Variants in DRD2 observed in about 807,000 individuals in gnomAD.
DRD2 encodes the protein dopamine receptor D2.
A neutral mutation model predicts 38.0 loss-of-function variants in DRD2; 8 were observed. The observed-to-expected ratio is 0.21, with a 90% CI of 0.12 to 0.38. The LOEUF is 0.38. Ranked by LOEUF, DRD2 falls within the 10% of genes least tolerant of loss-of-function variation. DRD2 has a pLI of 1.00. For missense variants in DRD2, 403 were observed against 607.7 expected (o/e 0.66, Z 3.54); for synonymous variants, 230 against 238.6 (o/e 0.96, Z 0.33).
At chr11:113,427,959 G>A (rs950295928) in intron 1 of DRD2, among the ~76,000 whole-genome samples, 8 of 152,152 alleles carry the variant, frequency 5.3e-5, no homozygotes, top group African/African-American at 7.2e-5. Context: ...TCAGGGATGC[G>A]CGCACAGAGG....
At chr11:113,445,000 A>G (rs1387593111) in intron 1 of DRD2, among the ~76,000 whole-genome samples, 1 of 152,250 alleles carries the variant, frequency 6.6e-6, no homozygotes, top group Non-Finnish European at 1.5e-5. Context: ...CTGGGAGTCT[A>G]GCAAAAATAA....
intron 1 of DRD2, among the ~76,000 whole-genome samples, chr11:113,431,444 G>A (rs965943253): frequency 5.3e-5 from 8 of 152,218 alleles, no homozygotes; most frequent in Non-Finnish European, 4.4e-5. Flanking sequence ...AGAAAGAGAA[G>A]ACTGCATTTG....
At chr11:113,412,503 G>A in intron 7 of DRD2, 53 bp downstream of exon 7, 1 of 1,597,780 alleles carries the variant, frequency 6.3e-7, no homozygotes, top group Admixed American at 1.7e-5. Flanking sequence ...GACATGGCAG[G>A]GAATGGGACC....
intron 2 of DRD2, among the ~76,000 whole-genome samples, chr11:113,419,858 A>G (rs1950869025): frequency 1.3e-5 from 2 of 152,188 alleles, no homozygotes; most frequent in Admixed American, 1.3e-4. Flanking sequence ...TGTGGCAGAA[A>G]CAGCAGCTTG....
intron 1 of DRD2, among the ~76,000 whole-genome samples, chr11:113,439,896 G>A (rs1951073662): frequency 1.0e-5 from 1 of 100,376 alleles, no homozygotes; most frequent in African/African-American, 3.8e-5. Flanking sequence ...GACCAGGAAA[G>A]TGAAATGACT....
In DRD2 at chr11:113,424,569, T is replaced by C. The variant is rs200802757; in HGVS notation, c.83A>G (p.Lys28Arg). 6 of 1,614,108 alleles carry C rather than the reference T, an allele frequency of 3.7e-6. No individual in the cohort carries two copies. Among genetic ancestry groups the C allele is most frequent in the Non-Finnish European group, 4.2e-6 (5 of 1,180,046 alleles). Residue 28 changes from lysine to arginine, a missense_variant, in exon 2 of 8, where the codon AAG becomes AGG. Lys to Arg is a conservative substitution (Grantham distance 26). Around this residue, in one of 4 missense-constraint regions of DRD2, gnomAD observed 162 missense variants for 254.5 expected, o/e 0.64. Coordinates refer to ENST00000362072, the MANE Select transcript of DRD2 (RefSeq NM_000795.4). Reference protein sequence around the residue: ...WSRPFNGSDGKADRPHYNYYA... With the variant: ...WSRPFNGSDGRADRPHYNYYA... ...GTAGTTGTAGTGGGGTCTGTCCGCC[T>C]TCCCGTCTGACCCGTTGAAGGGCCG...
intron 1 of DRD2, among the ~76,000 whole-genome samples, chr11:113,438,126 G>A (rs1206492166): frequency 1.3e-5 from 2 of 152,152 alleles, no homozygotes; most frequent in African/African-American, 4.8e-5. Flanking sequence ...TGATGCCCAG[G>A]ATACAGAGGA....
intron 1 of DRD2, among the ~76,000 whole-genome samples, chr11:113,451,939 T>C (rs1951213506): frequency 6.6e-6 from 1 of 152,216 alleles, no homozygotes; most frequent in Non-Finnish European, 1.5e-5. Flanking sequence ...GAAAATTCCA[T>C]AGCTGGGATG....
intron 1 of DRD2, among the ~76,000 whole-genome samples, chr11:113,469,744 GC>G (rs1191733877): frequency 6.6e-6 from 1 of 152,206 alleles, no homozygotes; most frequent in African/African-American, 2.4e-5. Context: ...GGTGGCTGAA[GC>G]AGGAGGATCA....
intron 1 of DRD2, chr11:113,474,376 G>C (rs934255587): frequency 6.6e-6 from 1 of 152,224 alleles, no homozygotes. Flanking sequence ...GCCGAGAGCC[G>C]GGCGGTCACC....
chr11:113,466,575 G>C (rs1344190847), intron 1 of DRD2, among the ~76,000 whole-genome samples: 1 of 152,202 alleles, frequency 6.6e-6, no homozygotes, highest in African/African-American at 2.4e-5. Context: ...GATAGTGCAG[G>C]TTAGGGATGA....
At chr11:113,417,944 GAC>G in intron 3 of DRD2, 81 bp downstream of exon 3, 1 of 1,129,234 alleles carries the variant, frequency 8.9e-7, no homozygotes, top group Non-Finnish European at 1.3e-6. Flanking sequence ...ACAGACACGA[GAC>G]ACAGCCTGGC....
chr11:113,465,796 C>T (rs1210425558), intron 1 of DRD2, among the ~76,000 whole-genome samples: 1 of 152,220 alleles, frequency 6.6e-6, no homozygotes, highest in Non-Finnish European at 1.5e-5. Context: ...ATGTCTTCAT[C>T]TGCAATGGTG....
chr11:113,422,930 G>A (rs1950899776), intron 2 of DRD2, among the ~76,000 whole-genome samples: 1 of 152,116 alleles, frequency 6.6e-6, no homozygotes, highest in East Asian at 1.9e-4. Context: ...AGAGGCACTG[G>A]TCAATTCCTC....
At chr11:113,443,270 T>C (rs1951110367) in intron 1 of DRD2, among the ~76,000 whole-genome samples, 1 of 152,184 alleles carries the variant, frequency 6.6e-6, no homozygotes. Flanking sequence ...AAATTATTTA[T>C]TCCTCTTCAA....
chr11:113,459,735 T>G (rs1221281476), intron 1 of DRD2, among the ~76,000 whole-genome samples: 1 of 152,190 alleles, frequency 6.6e-6, no homozygotes, highest in Non-Finnish European at 1.5e-5. Flanking sequence ...GTACAGTGAC[T>G]AATTAGCAAT....
At chr11:113,438,112 G>T (rs747061530) in intron 1 of DRD2, among the ~76,000 whole-genome samples, 6 of 152,156 alleles carry the variant, frequency 3.9e-5, no homozygotes, top group Admixed American at 2.0e-4. Flanking sequence ...GCCTTCCTAA[G>T]CAGTGATGCC....
chr11:113,416,785 C>G, intron 4 of DRD2, 78 bp downstream of exon 4: 5 of 1,570,044 alleles, frequency 3.2e-6, no homozygotes, highest in Non-Finnish European at 4.3e-6. Context: ...GTGCCAGGGA[C>G]TCTGCTCCCT....
At chr11:113,448,270 G>A (rs1226031580) in intron 1 of DRD2, among the ~76,000 whole-genome samples, 1 of 152,184 alleles carries the variant, frequency 6.6e-6, no homozygotes, top group Non-Finnish European at 1.5e-5. Flanking sequence ...AGAGCAATGG[G>A]TAAGGGGGTC....
Sources: allele counts gnomAD v4.1 joint callset (sites outside exome capture counted in the v4.1 genomes callset), GRCh38; gene constraint gnomAD v4.1.1; regional missense constraint gnomAD v4.1.1; transcripts MANE v1.5; gene names NCBI Gene and HGNC (gene_info 2026-07-23, HGNC 2026-07-21).